The following C1QTNF3 variants were observed in gnomAD, a reference collection of about 807,000 sequenced individuals.
C1QTNF3 encodes C1q and TNF related 3, also known as complement C1q tumor necrosis factor-related protein 3.
Under a neutral mutation model 32.6 loss-of-function variants are expected in C1QTNF3, and 26 were observed. The ratio of observed to expected loss-of-function variants is 0.80; its 90% CI spans 0.58 to 1.11. The LOEUF (loss-of-function observed/expected upper bound fraction) is 1.11. C1QTNF3 is among the 50% of genes least tolerant of loss of function. C1QTNF3 has a pLI of 0.00. For missense variants in C1QTNF3, 362 were observed against 398.2 expected (o/e 0.91, Z 0.77); for synonymous variants, 155 against 146.0 (o/e 1.06, Z -0.44).
At chr5:34,084,795 TTTTTGTTTTTTTTG>T in the C1QTNF3 span, among the ~76,000 whole-genome samples, 1 of 29,946 alleles carries the variant, frequency 3.3e-5, no homozygotes, top group African/African-American at 1.0e-4. Context: ...TCTGGTTTTT[TTTTTGTTTTTTTTG>T]TTTTTTTTCT....
the C1QTNF3 span, among the ~76,000 whole-genome samples, chr5:34,208,815 T>A: frequency 6.6e-6 from 1 of 152,220 alleles, no homozygotes; most frequent in Non-Finnish European, 1.5e-5. Flanking sequence ...ACTGCTTTCA[T>A]GTAGTGCTTG....
At chr5:34,081,636 TAC>T in the C1QTNF3 span, among the ~76,000 whole-genome samples, 2 of 151,440 alleles carry the variant, frequency 1.3e-5, no homozygotes, top group African/African-American at 4.9e-5. Context: ...GGTAAATGTT[TAC>T]AGAGGTTTGA....
chr5:34,036,577 C>T (rs1377867579), intron 1 of C1QTNF3, among the ~76,000 whole-genome samples: 5 of 152,052 alleles, frequency 3.3e-5, no homozygotes, highest in African/African-American at 4.8e-5. Context: ...TATTAATTAT[C>T]TACATCTTGA....
chr5:34,125,420 T>C, the C1QTNF3 span, among the ~76,000 whole-genome samples: 2 of 152,186 alleles, frequency 1.3e-5, no homozygotes, highest in Non-Finnish European at 2.9e-5. Context: ...AGATCAAACA[T>C]TGAATTATTA....
chr5:34,134,490 A>C, the C1QTNF3 span, among the ~76,000 whole-genome samples: 2 of 152,182 alleles, frequency 1.3e-5, no homozygotes, highest in African/African-American at 4.8e-5. Flanking sequence ...ACTGATCAGA[A>C]CACCGCTTAT....
At chr5:34,214,541 CATG>C in the C1QTNF3 span, among the ~76,000 whole-genome samples, 1 of 151,578 alleles carries the variant, frequency 6.6e-6, no homozygotes, top group African/African-American at 2.4e-5. Flanking sequence ...AAACTTTTTT[CATG>C]ATACTATTTA....
chr5:34,137,237 G>A, the C1QTNF3 span, among the ~76,000 whole-genome samples: 8 of 151,534 alleles, frequency 5.3e-5, no homozygotes, highest in Non-Finnish European at 8.8e-5. Flanking sequence ...ATCCCTGAAA[G>A]TTTTCATATG....
At chr5:34,035,838 C>A in intron 1 of C1QTNF3, 80 bp from the exon 2 acceptor site, 1 of 1,039,912 alleles carries the variant, frequency 9.6e-7, no homozygotes. Flanking sequence ...CTGGCCTTGG[C>A]CCTTAGGTAA....
chr5:34,030,576 G>A (rs1754588026), intron 3 of C1QTNF3, among the ~76,000 whole-genome samples: 1 of 152,142 alleles, frequency 6.6e-6, no homozygotes, highest in East Asian at 1.9e-4. Flanking sequence ...CAGGGTTGAA[G>A]TTCAAAATAC....
chr5:34,108,042 G>A, the C1QTNF3 span, among the ~76,000 whole-genome samples: 3 of 151,670 alleles, frequency 2.0e-5, no homozygotes, highest in East Asian at 5.8e-4. Context: ...AAGAGGAAAA[G>A]AAAGAAAGAA....
chr5:34,226,647 T>TA, the C1QTNF3 span, among the ~76,000 whole-genome samples: 1 of 151,684 alleles, frequency 6.6e-6, no homozygotes, highest in East Asian at 1.9e-4. Flanking sequence ...CAAACCTCCC[T>TA]AACCCCTCCC....
chr5:34,035,368 A>G (rs1754710821), intron 2 of C1QTNF3, among the ~76,000 whole-genome samples: 1 of 152,228 alleles, frequency 6.6e-6, no homozygotes, highest in South Asian at 2.1e-4. Flanking sequence ...ACTGGCATTG[A>G]GATGGCTGTA....
chr5:34,216,013 C>G, the C1QTNF3 span, among the ~76,000 whole-genome samples: 6 of 152,194 alleles, frequency 3.9e-5, no homozygotes, highest in Non-Finnish European at 7.3e-5. Flanking sequence ...TTACTGTGGT[C>G]ACCACACAGA....
chr5:34,176,177 C>T, the C1QTNF3 span, among the ~76,000 whole-genome samples: 1 of 149,066 alleles, frequency 6.7e-6, no homozygotes, highest in Admixed American at 6.9e-5. Flanking sequence ...ACCGCATATT[C>T]TCACTCATAA....
chr5:34,100,513 C>T, the C1QTNF3 span, among the ~76,000 whole-genome samples: 1 of 151,904 alleles, frequency 6.6e-6, no homozygotes, highest in Non-Finnish European at 1.5e-5. Flanking sequence ...AGATAATTAA[C>T]ACAGTACCTA....
the C1QTNF3 span, among the ~76,000 whole-genome samples, chr5:34,216,744 A>C: frequency 5.3e-5 from 8 of 152,186 alleles, no homozygotes; most frequent in African/African-American, 1.9e-4. Flanking sequence ...TAAATCAATA[A>C]ATGTATAGAA....
chr5:34,114,178 C>T, the C1QTNF3 span, among the ~76,000 whole-genome samples: 1 of 152,202 alleles, frequency 6.6e-6, no homozygotes, highest in Non-Finnish European at 1.5e-5. Context: ...CTAAATTATA[C>T]CTAAGTTACA....
the C1QTNF3 span, among the ~76,000 whole-genome samples, chr5:34,222,141 A>C: frequency 1.3e-5 from 2 of 152,034 alleles, no homozygotes; most frequent in Admixed American, 1.3e-4. Context: ...ATGTTAATGG[A>C]AAAAATCAGA....
chr5:34,118,746 T>A, the C1QTNF3 span, among the ~76,000 whole-genome samples: 51 of 152,288 alleles, frequency 3.3e-4, no homozygotes, highest in African/African-American at 1.2e-3. Context: ...TTTTACTTGA[T>A]GTGTCTGATT....
Sources: gnomAD v4.1 joint callset for allele counts (sites outside exome capture counted in the v4.1 genomes callset) on GRCh38, gnomAD v4.1.1 for gene constraint, MANE v1.5 for transcripts, NCBI Gene and HGNC (gene_info 2026-07-23, HGNC 2026-07-21) for gene names.